Variants in POP1 observed in about 807,000 individuals in gnomAD.
POP1 encodes ribonucleases P/MRP protein subunit POP1.
A neutral mutation model predicts 102.2 loss-of-function variants in POP1; 75 were observed. The observed-to-expected ratio is 0.73, with a 90% confidence interval of 0.61 to 0.89. The LOEUF is 0.89. POP1 is among the 40% of genes least tolerant of loss of function. The probability of loss-of-function intolerance (pLI) is 0.00; values close to 1 mark genes in which losing one functional copy is unlikely to be tolerated. For synonymous variants in POP1, 436 were observed against 464.1 expected (o/e 0.94, Z 0.78); for missense variants, 1,116 against 1,267.4 (o/e 0.88, Z 1.81).
intron 11 of POP1, among the ~76,000 whole-genome samples, chr8:98,144,043 CTACTTGGGAGGCCAAGGCAGGAGAATAG>C (rs1816778796): frequency 6.6e-6 from 1 of 151,672 alleles, no homozygotes; most frequent in Non-Finnish European, 1.5e-5. Context: ...ATAATCCCAG[CTACTTGGGAGGCCAAGGCAGGAGAATAG>C]CTTGAACCTG....
intron 11 of POP1, among the ~76,000 whole-genome samples, chr8:98,141,416 T>C (rs778669358): frequency 1.3e-5 from 2 of 152,214 alleles, no homozygotes; most frequent in Non-Finnish European, 2.9e-5. Flanking sequence ...GCTAAAATTT[T>C]GTTCTGATAT....
chr8:98,140,135 C>T lies in POP1; in HGVS notation c.1420C>T (p.Pro474Ser). 1 of 1,614,092 alleles carries T rather than the reference C, an allele frequency of 6.2e-7. No individual in the cohort carries two copies. Among genetic ancestry groups the T allele is most frequent in the Non-Finnish European group, 8.5e-7 (1 of 1,180,024 alleles). Residue 474 changes from proline (P) to serine (S), a missense_variant, in exon 10 of 16, where the codon CCT becomes TCT. Transcript: ENST00000401707. ...CTGGTGGATAGAAACCTGTAAGAAA[C>T]CTGACAGCGTTTCCCTTCATTGCAG... ...HRWWIETCKK[P>S]DSVSLHCRQE...
chr8:98,146,796 T>G, intron 12 of POP1, 113 bp downstream of exon 12: 1 of 839,238 alleles, frequency 1.2e-6, no homozygotes, highest in East Asian at 2.7e-5. Context: ...GACTTTCTTT[T>G]GTTTTCAAAC....
At chr8:98,131,608 A>C (rs573079147) in intron 5 of POP1, among the ~76,000 whole-genome samples, 1 of 152,328 alleles carries the variant, frequency 6.6e-6, no homozygotes, top group East Asian at 1.9e-4. Context: ...GTCCTCTTGA[A>C]TATATCCCCA....
chr8:98,126,682 G>T (rs1337270053), intron 2 of POP1, among the ~76,000 whole-genome samples: 1 of 152,202 alleles, frequency 6.6e-6, no homozygotes, highest in East Asian at 1.9e-4. Context: ...TGTCCACAGG[G>T]TGGCTGAGAT....
chr8:98,120,519 T>C (rs947215448), intron 1 of POP1, among the ~76,000 whole-genome samples: 1 of 152,366 alleles, frequency 6.6e-6, no homozygotes, highest in East Asian at 1.9e-4. Context: ...TCGCCCAGGC[T>C]GGAGTGCAGT....
intron 12 of POP1, among the ~76,000 whole-genome samples, chr8:98,147,039 A>G (rs769593565): frequency 6.6e-6 from 1 of 152,218 alleles, no homozygotes; most frequent in Admixed American, 6.5e-5. Flanking sequence ...TGATGATCTC[A>G]TGGTTGAAAT....
At chr8:98,124,167 G>C (rs906135396) in intron 2 of POP1, among the ~76,000 whole-genome samples, 2 of 152,142 alleles carry the variant, frequency 1.3e-5, no homozygotes, top group African/African-American at 4.8e-5. Context: ...CTCAGCCCTG[G>C]GGCAGCCTCA....
In POP1 at chr8:98,156,543, A is replaced by G. The variant is rs1563787261; in HGVS notation, c.2420+131A>G. The G allele has an allele frequency of 5.9e-6, 7 of 1,181,870 alleles. No individual in the cohort carries two copies. The East Asian group carries it at 9.9e-5, about 17-fold the overall frequency. The allele number at this position is 1,181,870 out of a possible 1,614,324, so 73.2% of individuals were successfully genotyped here. On this transcript the variant is annotated intron_variant, in intron 15 of 15. Coordinates refer to ENST00000401707, the MANE Select transcript of POP1 (RefSeq NM_001145860.2). ...AATTTATAGGCTTTCTGGAAGGGAA[A>G]GCCAGTCTTTTATATTTCATAGAGG...
chr8:98,127,187 G>A (rs899301699), intron 2 of POP1, among the ~76,000 whole-genome samples: 2 of 151,904 alleles, frequency 1.3e-5, no homozygotes, highest in Non-Finnish European at 2.9e-5. Flanking sequence ...TGACCTAATC[G>A]CCTCCTAAAG....
chr8:98,144,842 A>G (rs1816801486), intron 11 of POP1, among the ~76,000 whole-genome samples: 1 of 152,172 alleles, frequency 6.6e-6, no homozygotes. Context: ...TATCTCTGTG[A>G]GGAAGAGCAG....
rs2071597 is a variant in POP1 at position 98,117,421 on chromosome 8, A to G, written c.-3+31A>G. ...TCGTGAGGGGCTGGTGCCTTCCAGG[A>G]TGCGAGTGTCGGGGGAACTGTATGC... On this transcript the variant is annotated intron_variant, in intron 1 of 15. Transcript: ENST00000401707. 119,677 of 343,012 alleles carry G rather than the reference A, an allele frequency of 0.35. 22,633 individuals are homozygous for G. Among genetic ancestry groups the G allele is most frequent in the South Asian group, 0.43 (14,517 of 33,576 alleles). The allele number at this position is 343,012 out of a possible 1,614,324, so 21.2% of individuals were successfully genotyped here. A position where few individuals can be genotyped will look rare whatever the true frequency, so the allele number is the denominator to read the frequency against.
At chr8:98,119,511 A>G (rs1271790201) in intron 1 of POP1, among the ~76,000 whole-genome samples, 3 of 152,184 alleles carry the variant, frequency 2.0e-5, no homozygotes, top group Non-Finnish European at 4.4e-5. Flanking sequence ...GGCAGCACAT[A>G]TTTAGTGCTT....
intron 12 of POP1, 66 bp from the exon 13 acceptor site, chr8:98,148,749 G>A (rs1030163369): frequency 5.7e-6 from 8 of 1,394,782 alleles, no homozygotes; most frequent in African/African-American, 2.9e-5. Context: ...CTGCTTATAG[G>A]GAGACCCAGG....
At chr8:98,156,903 T>C (rs976036255) in intron 15 of POP1, among the ~76,000 whole-genome samples, 1 of 150,238 alleles carries the variant, frequency 6.7e-6, no homozygotes, top group Non-Finnish European at 1.5e-5. Context: ...GCTCTGATTT[T>C]TTTTTTTTTT....
In POP1 at chr8:98,140,759, G is replaced by A. The variant is rs1294128808; in HGVS notation, c.1475-10G>A. 1 of 1,613,248 alleles carries A rather than the reference G, an allele frequency of 6.2e-7. No homozygotes were observed. Among genetic ancestry groups the A allele is most frequent in the Non-Finnish European group, 8.5e-7 (1 of 1,179,402 alleles). Reference sequence around the variant, plus strand: ...GACTTTCTGTAAACTTCTTTTTGTTGTTGTTAAAGGAATAACATCACCAGC... The same window carrying A: ...GACTTTCTGTAAACTTCTTTTTGTTATTGTTAAAGGAATAACATCACCAGC... On this transcript the variant is annotated splice_polypyrimidine_tract_variant and intron_variant, in intron 10 of 15. Coordinates refer to ENST00000401707, the MANE Select transcript of POP1 (RefSeq NM_001145860.2).
intron 5 of POP1, among the ~76,000 whole-genome samples, 165 bp from the exon 6 acceptor site, chr8:98,133,784 C>T (rs1156785735): frequency 6.6e-6 from 1 of 151,914 alleles, no homozygotes; most frequent in Non-Finnish European, 1.5e-5. Flanking sequence ...TTCCACTAAA[C>T]CATCGGGCAG....
chr8:98,127,510 A>G (rs1816242873), intron 2 of POP1, 85 bp from the exon 3 acceptor site: 1 of 1,516,722 alleles, frequency 6.6e-7, no homozygotes, highest in East Asian at 2.3e-5. Flanking sequence ...AACATGGTCA[A>G]TGTTGCCACC....
At chr8:98,129,877 A>G in intron 4 of POP1, 101 bp from the exon 5 acceptor site, 1 of 1,358,102 alleles carries the variant, frequency 7.4e-7, no homozygotes, top group African/African-American at 1.4e-5. Context: ...GATCTATAAA[A>G]TATTCCACTT....
Sources: gnomAD v4.1 joint callset for allele counts (sites outside exome capture counted in the v4.1 genomes callset) on GRCh38, gnomAD v4.1.1 for gene constraint, MANE v1.5 for transcripts, NCBI Gene and HGNC (gene_info 2026-07-23, HGNC 2026-07-21) for gene names.